Variants in ANKS1B observed in about 807,000 individuals in gnomAD.
ANKS1B encodes ankyrin repeat and sterile alpha motif domain containing 1B.
A neutral mutation model predicts 148.3 loss-of-function variants in ANKS1B; 36 were observed. The ratio of observed to expected loss-of-function variants is 0.24; its 90% CI spans 0.19 to 0.32. The LOEUF is 0.32. ANKS1B is among the 10% of genes least tolerant of loss of function. The probability of loss-of-function intolerance (pLI) is 1.00; values close to 1 mark genes in which losing one functional copy is unlikely to be tolerated. For missense variants in ANKS1B, 1,157 were observed against 1,542.6 expected (o/e 0.75, Z 4.19); for synonymous variants, 542 against 560.8 (o/e 0.97, Z 0.47).
At chr12:99,259,327 G>A (rs2075670802) in intron 12 of ANKS1B, among the ~76,000 whole-genome samples, 1 of 152,208 alleles carries the variant, frequency 6.6e-6, no homozygotes, top group African/African-American at 2.4e-5. Flanking sequence ...GTTAGATAGA[G>A]CATGTAATAA....
chr12:99,807,574 G>C (rs539431786), intron 3 of ANKS1B, among the ~76,000 whole-genome samples: 1 of 152,120 alleles, frequency 6.6e-6, no homozygotes, highest in Admixed American at 6.6e-5. Context: ...GTTCTGGAAA[G>C]AAAGAGCAGC....
chr12:99,386,357 G>A (rs1410139471), intron 12 of ANKS1B: 1 of 152,146 alleles, frequency 6.6e-6, no homozygotes, highest in Non-Finnish European at 1.5e-5. Flanking sequence ...ACTGGATTCT[G>A]ATCATCACTA....
chr12:98,780,074 C>A (rs1446293220), intron 24 of ANKS1B, among the ~76,000 whole-genome samples: 1 of 152,066 alleles, frequency 6.6e-6, no homozygotes, highest in African/African-American at 2.4e-5. Flanking sequence ...AATAGAGACA[C>A]CAAAGAGTCA....
At chr12:99,653,285 G>A (rs2098433989) in intron 9 of ANKS1B, among the ~76,000 whole-genome samples, 1 of 152,202 alleles carries the variant, frequency 6.6e-6, no homozygotes, top group Non-Finnish European at 1.5e-5. Flanking sequence ...CAGTCATCTG[G>A]CTAATATAGT....
intron 1 of ANKS1B, among the ~76,000 whole-genome samples, chr12:99,902,877 A>G (rs914873887): frequency 6.6e-6 from 1 of 151,592 alleles, no homozygotes; most frequent in African/African-American, 2.4e-5. Context: ...CAGCCTCCCA[A>G]GCAGCTGGGA....
At chr12:99,199,290 C>A (rs1181070638) in intron 14 of ANKS1B, among the ~76,000 whole-genome samples, 1 of 152,170 alleles carries the variant, frequency 6.6e-6, no homozygotes, top group Non-Finnish European at 1.5e-5. Context: ...TAACATGCAG[C>A]AATAGATAAC....
intron 4 of ANKS1B, among the ~76,000 whole-genome samples, chr12:99,802,336 G>A (rs1485075219): frequency 1.3e-5 from 2 of 152,120 alleles, no homozygotes; most frequent in East Asian, 1.9e-4. Context: ...TGGCACTATC[G>A]CTATCTGGTT....
chr12:99,756,442 CAA>C (rs1479978784), intron 8 of ANKS1B, among the ~76,000 whole-genome samples: 1 of 151,654 alleles, frequency 6.6e-6, no homozygotes, highest in Non-Finnish European at 1.5e-5. Context: ...ATGACACAAA[CAA>C]AAATAAATTC....
At chr12:99,562,499 G>C (rs866063166) in intron 9 of ANKS1B, among the ~76,000 whole-genome samples, 11 of 152,154 alleles carry the variant, frequency 7.2e-5, no homozygotes, top group South Asian at 2.1e-4. Context: ...TTACTAATCT[G>C]CTCTCATGCT....
At chr12:99,586,315 C>T (rs771725969) in intron 9 of ANKS1B, among the ~76,000 whole-genome samples, 20 of 152,184 alleles carry the variant, frequency 1.3e-4, no homozygotes, top group Non-Finnish European at 2.5e-4. Context: ...CCTTGCATAG[C>T]AAGAGTGACC....
chr12:99,742,455 G>T (rs2060210364), intron 8 of ANKS1B, among the ~76,000 whole-genome samples: 1 of 152,032 alleles, frequency 6.6e-6, no homozygotes, highest in Non-Finnish European at 1.5e-5. Context: ...AGACTGGTAT[G>T]GAAGATGCAA....
intron 8 of ANKS1B, among the ~76,000 whole-genome samples, chr12:99,683,320 A>G (rs2098631984): frequency 6.6e-6 from 1 of 152,206 alleles, no homozygotes; most frequent in African/African-American, 2.4e-5. Context: ...TCACAGAAAT[A>G]GAAAAGATCA....
intron 12 of ANKS1B, among the ~76,000 whole-genome samples, chr12:99,267,633 C>A (rs1324062095): frequency 6.6e-6 from 1 of 151,890 alleles, no homozygotes; most frequent in Admixed American, 6.6e-5. Flanking sequence ...ACTAGAGTGA[C>A]AAAAATTAAT....
Position 98,745,637 on chromosome 12 carries a change from C to A in ANKS1B, c.*102G>T, listed in dbSNP as rs563181487. The A allele has an allele frequency of 7.9e-6, 12 of 1,521,282 alleles. No individual in the cohort carries two copies. In the African/African-American group the frequency reaches 1.7e-4, roughly 21 times the overall value. 94.2% of individuals were successfully genotyped at this position (1,521,282 alleles called of 1,614,324 possible). On this transcript the variant is annotated 3_prime_UTR_variant, in exon 27 of 27. Coordinates refer to ENST00000683438, the MANE Select transcript of ANKS1B (RefSeq NM_001352186.2). ...CCGTAACAAGGCCGCACGCTCAGAGCAGTCTTCCTCCTGGGCTGGGTGGAC... is the reference window on the plus strand; with the variant it reads ...CCGTAACAAGGCCGCACGCTCAGAGAAGTCTTCCTCCTGGGCTGGGTGGAC...
At chr12:99,006,710 A>G (rs2099936340) in intron 17 of ANKS1B, among the ~76,000 whole-genome samples, 1 of 152,204 alleles carries the variant, frequency 6.6e-6, no homozygotes, top group African/African-American at 2.4e-5. Context: ...ATGCCTGTAG[A>G]CTGATAACAA....
chr12:99,814,682 A>G (rs1207504308), intron 2 of ANKS1B, among the ~76,000 whole-genome samples: 1 of 151,784 alleles, frequency 6.6e-6, no homozygotes, highest in Non-Finnish European at 1.5e-5. Context: ...CCTTGAGGAA[A>G]TTAAGTAACC....
At chr12:99,409,631 CCTA>C (rs1216998610) in intron 11 of ANKS1B, among the ~76,000 whole-genome samples, 2 of 151,628 alleles carry the variant, frequency 1.3e-5, no homozygotes, top group African/African-American at 4.9e-5. Flanking sequence ...AATATATATA[CCTA>C]CTATGTACCC....
At chr12:98,991,014 C>A (rs2099926297) in intron 17 of ANKS1B, among the ~76,000 whole-genome samples, 1 of 152,152 alleles carries the variant, frequency 6.6e-6, no homozygotes, top group Non-Finnish European at 1.5e-5. Context: ...AAAGGCTTTT[C>A]TGAAAGTAAG....
At chr12:99,598,901 G>A (rs1408119945) in intron 9 of ANKS1B, among the ~76,000 whole-genome samples, 4 of 151,978 alleles carry the variant, frequency 2.6e-5, no homozygotes, top group Non-Finnish European at 5.9e-5. Context: ...AATCAATATC[G>A]CTGGGCCAAA....
Sources: allele counts gnomAD v4.1 joint callset (sites outside exome capture counted in the v4.1 genomes callset), GRCh38; gene constraint gnomAD v4.1.1; transcripts MANE v1.5; gene names NCBI Gene and HGNC (gene_info 2026-07-23, HGNC 2026-07-21).